PPARGC1B: variants seen among roughly 807,000 people sequenced by gnomAD.
The protein encoded by PPARGC1B is PPARG coactivator 1 beta, also known as peroxisome proliferator-activated receptor gamma coactivator 1-beta.
In PPARGC1B, 34 loss-of-function variants were observed where a neutral mutation model predicts 101.6. The observed-to-expected ratio is 0.33, with a 90% CI of 0.25 to 0.45. The LOEUF (loss-of-function observed/expected upper bound fraction) is 0.45. Among genes scored for constraint, PPARGC1B ranks in the 20% least tolerant of loss-of-function variants. The pLI, the probability that PPARGC1B is intolerant of heterozygous loss-of-function variation, is 1.00. For synonymous variants in PPARGC1B, 548 were observed against 539.3 expected, an observed-to-expected ratio of 1.02 and a Z score of -0.22; for missense variants, 1,234 against 1,317.6, an observed-to-expected ratio of 0.94 and a Z score of 0.98.
chr5:149,770,416 A>G (rs1434938779), intron 1 of PPARGC1B, among the ~76,000 whole-genome samples: 2 of 152,202 alleles, frequency 1.3e-5, no homozygotes, highest in African/African-American at 4.8e-5. Flanking sequence ...GCTTCCTCCA[A>G]AAAGTTGAAG....
intron 1 of PPARGC1B, among the ~76,000 whole-genome samples, chr5:149,788,548 A>C (rs1027643308): frequency 2.0e-5 from 3 of 152,186 alleles, no homozygotes; most frequent in Admixed American, 6.5e-5. Flanking sequence ...ACTAGAAATA[A>C]CATTTGACCC....
chr5:149,801,431 G>A (rs71586142), intron 1 of PPARGC1B, among the ~76,000 whole-genome samples: 16,645 of 152,202 alleles, frequency 0.11, 1,083 homozygotes, highest in East Asian at 0.29. Context: ...CGTGTTCCGG[G>A]AGAGGGAACA....
At chr5:149,755,902 C>A (rs1383153050) in intron 1 of PPARGC1B, among the ~76,000 whole-genome samples, 2 of 152,072 alleles carry the variant, frequency 1.3e-5, no homozygotes, top group Admixed American at 6.5e-5. Context: ...CCTTGGCCCC[C>A]CAAAGTGCTG....
chr5:149,830,909 T>G, intron 4 of PPARGC1B, 26 bp downstream of exon 4: 2 of 1,487,302 alleles, frequency 1.3e-6, no homozygotes, highest in Non-Finnish European at 1.9e-6. Flanking sequence ...CCCCCAAATC[T>G]ACCCCAGGTG....
chr5:149,810,760 G>A lies in PPARGC1B; in HGVS notation c.79-9673G>A, dbSNP rs117376584. On this transcript the variant is annotated intron_variant, in intron 1 of 11. Coordinates refer to ENST00000309241, the MANE Select transcript of PPARGC1B (RefSeq NM_133263.4). ...CACGGGAGATCCCGGTTTGTGTTCC[G>A]GCCCTGGGAGGAGCTGGCTGTGTGG... Among the ~76,000 whole-genome samples, 11 of 152,244 alleles carry A rather than the reference G, an allele frequency of 7.2e-5. No homozygotes were observed. The East Asian group carries it at 1.4e-3, about 19-fold the overall frequency.
At chr5:149,791,819 A>G (rs1324496063) in intron 1 of PPARGC1B, among the ~76,000 whole-genome samples, 1 of 152,214 alleles carries the variant, frequency 6.6e-6, no homozygotes, top group Non-Finnish European at 1.5e-5. Flanking sequence ...ACAGATTAAG[A>G]TAATGAGGGC....
At chr5:149,778,454 G>A (rs573518839) in intron 1 of PPARGC1B, among the ~76,000 whole-genome samples, 1 of 152,042 alleles carries the variant, frequency 6.6e-6, no homozygotes, top group East Asian at 1.9e-4. Flanking sequence ...TGGGCTCCCT[G>A]GGTTGGGGAC....
At chr5:149,829,211 T>G (rs1758644740) in intron 3 of PPARGC1B, among the ~76,000 whole-genome samples, 1 of 152,118 alleles carries the variant, frequency 6.6e-6, no homozygotes, top group South Asian at 2.1e-4. Flanking sequence ...TGTCATATTC[T>G]TAGAGTCAAA....
At position 149,854,130 on chromosome 5, in the gene PPARGC1B, G is replaced by A. The variant is rs759829074; in HGVS notation, c.*6572G>A. The A allele has an allele frequency of 1.3e-5, 2 of 152,136 alleles. No homozygotes were observed. Among genetic ancestry groups the A allele is most frequent in the South Asian group, 2.1e-4 (1 of 4,828 alleles). The allele number at this position is 152,136 out of a possible 1,614,324, so 9.4% of individuals were successfully genotyped here. A position where few individuals can be genotyped will look rare whatever the true frequency, so the allele number is the denominator to read the frequency against. On this transcript the variant is annotated 3_prime_UTR_variant, in exon 12 of 12. Coordinates refer to ENST00000309241, the MANE Select transcript of PPARGC1B (RefSeq NM_133263.4). ...GACTCAAATTATTTTCTCTTGGTGT[G>A]ACCACACAGCCTAGAGAATTCTGAG...
intron 1 of PPARGC1B, among the ~76,000 whole-genome samples, chr5:149,786,385 C>T (rs1470790867): frequency 2.6e-5 from 4 of 151,670 alleles, no homozygotes; most frequent in African/African-American, 7.3e-5. Flanking sequence ...CATGAGCCAC[C>T]GCACCCAGCC....
At chr5:149,766,030 C>T (rs1164376385) in intron 1 of PPARGC1B, among the ~76,000 whole-genome samples, 1 of 152,120 alleles carries the variant, frequency 6.6e-6, no homozygotes, top group Non-Finnish European at 1.5e-5. Context: ...AAAATGAATA[C>T]ATATAGAAAT....
intron 1 of PPARGC1B, among the ~76,000 whole-genome samples, chr5:149,754,319 C>G (rs947764097): frequency 6.6e-6 from 1 of 152,136 alleles, no homozygotes; most frequent in African/African-American, 2.4e-5. Context: ...GCGTGCCCCC[C>G]TCCCCTGGCA....
downstream of PPARGC1B, among the ~76,000 whole-genome samples, chr5:149,855,431 T>G (rs1038522246): frequency 1.3e-5 from 2 of 152,232 alleles, no homozygotes; most frequent in Non-Finnish European, 2.9e-5. Context: ...GAACAAAGAC[T>G]TCCTTGTTTT....
chr5:149,734,789 G>A (rs17711223), intron 1 of PPARGC1B, among the ~76,000 whole-genome samples: 22,074 of 152,090 alleles, frequency 0.15, 1,732 homozygotes, highest in Admixed American at 0.24. Flanking sequence ...CAGTCTGTTC[G>A]TCAATAAATT....
At chr5:149,770,933 A>G (rs1284453208) in intron 1 of PPARGC1B, among the ~76,000 whole-genome samples, 1 of 152,182 alleles carries the variant, frequency 6.6e-6, no homozygotes, top group Non-Finnish European at 1.5e-5. Context: ...ATAGGACTTG[A>G]TTAAATGTGA....
chr5:149,838,813 C>G (rs1349041717), intron 8 of PPARGC1B, among the ~76,000 whole-genome samples: 2 of 152,202 alleles, frequency 1.3e-5, no homozygotes, highest in African/African-American at 4.8e-5. Flanking sequence ...AGCTCAGTAC[C>G]TGGTAAACCT....
intron 1 of PPARGC1B, among the ~76,000 whole-genome samples, chr5:149,790,789 C>A (rs1048520559): frequency 6.6e-6 from 1 of 152,126 alleles, no homozygotes; most frequent in African/African-American, 2.4e-5. Context: ...GTGAAACATG[C>A]AGATTCCTGG....
chr5:149,809,906 G>T (rs1757785710), intron 1 of PPARGC1B, among the ~76,000 whole-genome samples: 1 of 151,934 alleles, frequency 6.6e-6, no homozygotes, highest in Admixed American at 6.6e-5. Flanking sequence ...GTTCAACCTG[G>T]GATGAGGATA....
At chr5:149,793,814 C>T (rs975416820) in intron 1 of PPARGC1B, among the ~76,000 whole-genome samples, 6 of 152,188 alleles carry the variant, frequency 3.9e-5, no homozygotes, top group East Asian at 1.9e-4. Context: ...GACGCTCAGA[C>T]GGACCAGCCT....
Sources: allele counts gnomAD v4.1 joint callset (sites outside exome capture counted in the v4.1 genomes callset), GRCh38; gene constraint gnomAD v4.1.1; transcripts MANE v1.5; gene names NCBI Gene and HGNC (gene_info 2026-07-23, HGNC 2026-07-21).